The following PDSS2 variants were observed in gnomAD, a reference collection of about 807,000 sequenced individuals.
The protein encoded by PDSS2 is decaprenyl diphosphate synthase subunit 2.
In PDSS2, 31 loss-of-function variants were observed where a neutral mutation model predicts 44.5. The ratio of observed to expected loss-of-function variants is 0.70; its 90% CI spans 0.52 to 0.94. The LOEUF (loss-of-function observed/expected upper bound fraction) is 0.94, where lower values mean the gene tolerates loss of function less well. Ranked by LOEUF, PDSS2 falls within the 40% of genes least tolerant of loss-of-function variation. The pLI is 0.00. For missense variants in PDSS2, 452 were observed against 482.2 expected (o/e 0.94, Z 0.59); for synonymous variants, 157 against 180.3 (o/e 0.87, Z 1.03).
chr6:107,319,712 C>T (rs1306454437), intron 2 of PDSS2, among the ~76,000 whole-genome samples: 1 of 152,140 alleles, frequency 6.6e-6, no homozygotes, highest in Non-Finnish European at 1.5e-5. Flanking sequence ...CATAAAGTAC[C>T]TTTGAAAATA....
chr6:107,237,597 T>C lies in PDSS2; in HGVS notation c.702+7951A>G, dbSNP rs7741009. ...AAGCTGCCTGAGAGCGAAAGGAACA[T>C]AAGCATAAAGAAAAACAAATGGGCC... On this transcript the variant is annotated intron_variant, in intron 4 of 7. Transcript: ENST00000369037. Among the ~76,000 whole-genome samples the C allele has an allele frequency of 4.9e-3, 745 of 150,896 alleles. 6 individuals are homozygous for C. The highest frequency in any genetic ancestry group is 0.018 in the African/African-American group (719 of 41,084).
At chr6:107,413,810 T>A (rs1780576933) in intron 1 of PDSS2, among the ~76,000 whole-genome samples, 1 of 152,142 alleles carries the variant, frequency 6.6e-6, no homozygotes, top group South Asian at 2.1e-4. Flanking sequence ...CGTCTACTTT[T>A]GTGTTCTTCA....
chr6:107,186,171 ATGAAT>A (rs1204665351), intron 7 of PDSS2, among the ~76,000 whole-genome samples: 1 of 152,224 alleles, frequency 6.6e-6, no homozygotes, highest in Non-Finnish European at 1.5e-5. Context: ...GAGAGATGTA[ATGAAT>A]TAATAGTTGT....
At chr6:107,341,911 G>A (rs1384725562) in intron 1 of PDSS2, among the ~76,000 whole-genome samples, 1 of 152,114 alleles carries the variant, frequency 6.6e-6, no homozygotes, top group Non-Finnish European at 1.5e-5. Context: ...CAAAAACCAT[G>A]CAAGGTAACT....
chr6:107,386,102 C>G (rs1242556791), intron 1 of PDSS2, among the ~76,000 whole-genome samples: 1 of 152,050 alleles, frequency 6.6e-6, no homozygotes, highest in Non-Finnish European at 1.5e-5. Context: ...AGAAAGGAAG[C>G]TACAAATTTT....
At chr6:107,363,523 C>G (rs1778850656) in intron 1 of PDSS2, among the ~76,000 whole-genome samples, 1 of 152,108 alleles carries the variant, frequency 6.6e-6, no homozygotes, top group African/African-American at 2.4e-5. Flanking sequence ...CGTGGTCTCG[C>G]TGGCTTCAGG....
intron 2 of PDSS2, among the ~76,000 whole-genome samples, chr6:107,320,982 A>G (rs146701415): frequency 1.2e-4 from 18 of 152,326 alleles, no homozygotes; most frequent in African/African-American, 4.1e-4. Flanking sequence ...TTACACTATA[A>G]ACTTGAGCAC....
chr6:107,199,498 C>T (rs946308472), intron 6 of PDSS2, among the ~76,000 whole-genome samples: 1 of 152,174 alleles, frequency 6.6e-6, no homozygotes, highest in Non-Finnish European at 1.5e-5. Context: ...TGGGGTCTCA[C>T]TATGTTGCTC....
At chr6:107,403,313 AC>A (rs1309048321) in intron 1 of PDSS2, among the ~76,000 whole-genome samples, 2 of 152,216 alleles carry the variant, frequency 1.3e-5, no homozygotes, top group Non-Finnish European at 2.9e-5. Flanking sequence ...GTAGGCTCCC[AC>A]CGTCTTGGGC....
intron 2 of PDSS2, among the ~76,000 whole-genome samples, chr6:107,279,225 A>C (rs191563967): frequency 5.9e-4 from 90 of 152,270 alleles, no homozygotes; most frequent in Middle Eastern, 6.8e-3. Context: ...TCTCAAAATA[A>C]AAATAAAAAT....
chr6:107,154,909 A>C (rs993597467), intron 7 of PDSS2, 132 bp from the exon 8 acceptor site: 2 of 834,152 alleles, frequency 2.4e-6, no homozygotes, highest in Admixed American at 2.0e-5. Flanking sequence ...CTGCTACGTT[A>C]TTTTCTGGAA....
intron 2 of PDSS2, among the ~76,000 whole-genome samples, chr6:107,281,343 A>T (rs919505957): frequency 1.3e-5 from 2 of 152,150 alleles, no homozygotes; most frequent in African/African-American, 4.8e-5. Context: ...TCTGAGATAA[A>T]CACTGCACTC....
intron 4 of PDSS2, among the ~76,000 whole-genome samples, chr6:107,225,155 A>ATGTATT (rs1185535053): frequency 1.9e-5 from 1 of 51,454 alleles, no homozygotes; most frequent in South Asian, 6.8e-4. Context: ...ATATATATAT[A>ATGTATT]TATATATTTT....
chr6:107,348,629 G>C (rs1778328030), intron 1 of PDSS2, among the ~76,000 whole-genome samples: 1 of 152,146 alleles, frequency 6.6e-6, no homozygotes, highest in Non-Finnish European at 1.5e-5. Context: ...TCAATGTGTT[G>C]ACCTGTAGCA....
At chr6:107,271,762 A>G (rs1775605775) in intron 3 of PDSS2, among the ~76,000 whole-genome samples, 1 of 152,196 alleles carries the variant, frequency 6.6e-6, no homozygotes, top group Admixed American at 6.5e-5. Context: ...TTTCCTAACA[A>G]CTTAAAATGA....
In PDSS2 at chr6:107,287,101, T is replaced by A. The variant is rs1013909113; in HGVS notation, c.432-12874A>T. On this transcript the variant is annotated intron_variant, in intron 2 of 7. Coordinates refer to ENST00000369037, the MANE Select transcript of PDSS2 (RefSeq NM_020381.4). ...AATAACAATGAAATAACATTTTTAG[T>A]TCATTGACTTTGCAAAAATGAAAAA... Among the ~76,000 whole-genome samples, 4 of 152,316 alleles carry A rather than the reference T, an allele frequency of 2.6e-5. No individual in the cohort carries two copies. In the Middle Eastern group the frequency reaches 0.01, roughly 389 times the overall value.
chr6:107,188,356 G>C (rs1772249410), intron 7 of PDSS2, among the ~76,000 whole-genome samples: 1 of 151,330 alleles, frequency 6.6e-6, no homozygotes, highest in Admixed American at 6.6e-5. Context: ...TCCAATTTGG[G>C]TGACAGAGTG....
At chr6:107,272,980 G>A (rs1359122480) in intron 3 of PDSS2, among the ~76,000 whole-genome samples, 3 of 151,166 alleles carry the variant, frequency 2.0e-5, no homozygotes, top group Non-Finnish European at 4.4e-5. Context: ...TCACTCTGTC[G>A]CCCAGGCTGG....
intron 2 of PDSS2, among the ~76,000 whole-genome samples, chr6:107,286,381 G>A (rs1776152426): frequency 6.6e-6 from 1 of 151,418 alleles, no homozygotes; most frequent in South Asian, 2.1e-4. Flanking sequence ...GTGGTGGCGG[G>A]TGCCTGTAAT....
Sources: allele counts gnomAD v4.1 joint callset (sites outside exome capture counted in the v4.1 genomes callset), GRCh38; gene constraint gnomAD v4.1.1; transcripts MANE v1.5; gene names NCBI Gene and HGNC (gene_info 2026-07-23, HGNC 2026-07-21).